Variants in CDK5RAP2 observed in about 807,000 individuals in gnomAD.
CDK5RAP2 encodes the protein CDK5 regulatory subunit associated protein 2.
Under a neutral mutation model 232.9 loss-of-function variants are expected in CDK5RAP2, and 147 were observed. The ratio of observed to expected loss-of-function variants is 0.63; its 90% CI spans 0.55 to 0.72. The LOEUF is 0.72. Ranked by LOEUF, CDK5RAP2 falls within the 30% of genes least tolerant of loss-of-function variation. The pLI is 0.00. For missense variants in CDK5RAP2, 2,195 were observed against 2,231.5 expected, an observed-to-expected ratio of 0.98 and a Z score of 0.33; for synonymous variants, 833 against 833.7, an observed-to-expected ratio of 1.00 and a Z score of 0.01.
chr9:120,443,723 T>C lies in CDK5RAP2; in HGVS notation c.3045A>G (p.Ala1015=). Residue 1015 remains alanine, a synonymous_variant, in exon 23 of 38, where the codon GCA becomes GCG. Coordinates refer to ENST00000349780, the MANE Select transcript of CDK5RAP2 (RefSeq NM_018249.6). The stretch of plus-strand genomic sequence containing the variant: ...GCTCTCCTGGGCTGTCCTGGTAGGC[T>C]GCTCCCACAGGGGGCTGAGCTACAG... ...TLLNAQPPVG[A]AYQDSPGEQK... The C allele has an allele frequency of 1.2e-6, 2 of 1,614,042 alleles. No individual in the cohort carries two copies. The highest frequency in any genetic ancestry group is 1.7e-6 in the Non-Finnish European group (2 of 1,180,004).
At chr9:120,409,411 T>C in intron 29 of CDK5RAP2, 95 bp from the exon 30 acceptor site, 1 of 920,094 alleles carries the variant, frequency 1.1e-6, no homozygotes, top group Non-Finnish European at 1.7e-6. Flanking sequence ...CAAAAAAGAA[T>C]GAGATTCGAT....
rs1255904880 is a variant in CDK5RAP2, at chr9:120,458,491, G to T, written c.2334C>A (p.Ala778=). Residue 778 remains alanine (A), a synonymous_variant, in exon 20 of 38, where the codon GCC becomes GCA. Coordinates refer to ENST00000349780, the MANE Select transcript of CDK5RAP2 (RefSeq NM_018249.6). ...LEEGAFINLL[A]PLFNEKATLL... is the part of the protein sequence containing the mutation. ...ATGTGGCCTTCTCATTGAACAAAGG[G>T]GCAAGCAGGTTTATGAATGCACCTT... 6.2e-7 allele frequency: 1 copy of T among 1,614,130 alleles called. No individual in the cohort carries two copies. Among genetic ancestry groups the T allele is most frequent in the Non-Finnish European group, 8.5e-7 (1 of 1,180,018 alleles).
rs3739823 is a variant in CDK5RAP2 at position 120,401,084 on chromosome 9, C to T, written c.5308-199G>A. On this transcript the variant is annotated intron_variant, in intron 34 of 37. Coordinates refer to ENST00000349780, the MANE Select transcript of CDK5RAP2 (RefSeq NM_018249.6). ...ATTATGAGAGAATTTCAGTGGTGAT[C>T]TTAGCCCAATCAATAACCATGATTA... 8.5e-4 allele frequency: 510 copies of T among 599,138 alleles called. 4 individuals are homozygous for T. In the East Asian group the frequency reaches 0.013, roughly 15 times the overall value. 37.1% of individuals were successfully genotyped at this position (599,138 alleles called of 1,614,324 possible). A position where few individuals can be genotyped will look rare whatever the true frequency, so the allele number is the denominator to read the frequency against.
intron 5 of CDK5RAP2, among the ~76,000 whole-genome samples, chr9:120,541,363 G>GT (rs1250079479): frequency 6.6e-6 from 1 of 152,144 alleles, no homozygotes; most frequent in Admixed American, 6.5e-5. Context: ...TATTCAGTTT[G>GT]TTTGAGTTTT....
intron 25 of CDK5RAP2, among the ~76,000 whole-genome samples, chr9:120,425,884 G>T (rs1201638879): frequency 6.6e-6 from 1 of 152,222 alleles, no homozygotes; most frequent in East Asian, 1.9e-4. Context: ...CACCTGAGTG[G>T]AAAGGGTGGA....
At chr9:120,578,565 T>C (rs1046876706) in intron 1 of CDK5RAP2, among the ~76,000 whole-genome samples, 1 of 77,904 alleles carries the variant, frequency 1.3e-5, no homozygotes, top group African/African-American at 4.1e-5. Context: ...TTATTTTCAC[T>C]TTCCTTTTTT....
At chr9:120,476,815 G>GA (rs1372439801) in intron 15 of CDK5RAP2, among the ~76,000 whole-genome samples, 1 of 152,108 alleles carries the variant, frequency 6.6e-6, no homozygotes, top group African/African-American at 2.4e-5. Flanking sequence ...GTCAGGGCTA[G>GA]AACAAGGCCT....
chr9:120,421,924 C>T (rs2034590585), intron 26 of CDK5RAP2, among the ~76,000 whole-genome samples: 1 of 152,258 alleles, frequency 6.6e-6, no homozygotes, highest in Non-Finnish European at 1.5e-5. Context: ...CCACAGCTTC[C>T]TCATCCTAAA....
At chr9:120,518,206 TGTGTGAGAGA>T (rs1200706033) in intron 12 of CDK5RAP2, among the ~76,000 whole-genome samples, 214 of 108,858 alleles carry the variant, frequency 2.0e-3, no homozygotes, top group East Asian at 9.8e-3. Context: ...TGTGTGTGTG[TGTGTGAGAGA>T]GAGAGAGAGA....
At chr9:120,457,227 C>G (rs1207583185) in intron 20 of CDK5RAP2, among the ~76,000 whole-genome samples, 1 of 152,184 alleles carries the variant, frequency 6.6e-6, no homozygotes, top group Admixed American at 6.5e-5. Context: ...ACCTTTCTGA[C>G]TCCCAACCAT....
At chr9:120,450,611 G>A (rs185842695) in intron 21 of CDK5RAP2, among the ~76,000 whole-genome samples, 367 of 152,252 alleles carry the variant, frequency 2.4e-3, no homozygotes, top group Non-Finnish European at 3.6e-3. Flanking sequence ...CAAGAAATGA[G>A]ATCACTGAGG....
chr9:120,439,339 C>A, intron 24 of CDK5RAP2, 60 bp downstream of exon 24: 6 of 1,370,710 alleles, frequency 4.4e-6, no homozygotes, highest in Non-Finnish European at 6.2e-6. Flanking sequence ...GGGCTCCCAC[C>A]TAGTGGCAAT....
intron 11 of CDK5RAP2, among the ~76,000 whole-genome samples, chr9:120,523,118 T>A (rs1255074697): frequency 6.6e-6 from 1 of 152,190 alleles, no homozygotes; most frequent in African/African-American, 2.4e-5. Flanking sequence ...TTACAACAGT[T>A]CCTGATCTCT....
intron 28 of CDK5RAP2, 68 bp downstream of exon 28, chr9:120,414,972 C>CTCAG: frequency 6.3e-7 from 1 of 1,582,752 alleles, no homozygotes; most frequent in South Asian, 1.1e-5. Flanking sequence ...CAGATGCTTA[C>CTCAG]TCAGGCAAAT....
At chr9:120,453,930 C>T in intron 20 of CDK5RAP2, 57 bp from the exon 21 acceptor site, 2 of 1,548,020 alleles carry the variant, frequency 1.3e-6, no homozygotes, top group Non-Finnish European at 1.8e-6. Context: ...AGGCCTTGTC[C>T]CCTAGCCAGT....
intron 14 of CDK5RAP2, 89 bp from the exon 15 acceptor site, chr9:120,477,539 G>T: frequency 1.9e-6 from 2 of 1,050,690 alleles, no homozygotes; most frequent in Non-Finnish European, 1.5e-6. Flanking sequence ...GCTAGTCCCA[G>T]TTTTTAAAAT....
intron 11 of CDK5RAP2, among the ~76,000 whole-genome samples, chr9:120,521,905 A>G (rs1389713778): frequency 6.6e-6 from 1 of 152,050 alleles, no homozygotes; most frequent in Non-Finnish European, 1.5e-5. Context: ...TCGGCCTCCC[A>G]AAGTGCTGGG....
chr9:120,525,328 G>C (rs370644689), intron 10 of CDK5RAP2, among the ~76,000 whole-genome samples: 5 of 152,202 alleles, frequency 3.3e-5, no homozygotes, highest in African/African-American at 1.2e-4. Flanking sequence ...CTATTGTGTT[G>C]TTAAGGTTAA....
At chr9:120,415,272 G>C in intron 27 of CDK5RAP2, 113 bp from the exon 28 acceptor site, 2 of 1,233,376 alleles carry the variant, frequency 1.6e-6, no homozygotes, top group South Asian at 2.5e-5. Context: ...TGTTAAGATG[G>C]TTAGCAACTG....
Sources: gnomAD v4.1 joint callset for allele counts (sites outside exome capture counted in the v4.1 genomes callset) on GRCh38, gnomAD v4.1.1 for gene constraint, MANE v1.5 for transcripts, NCBI Gene and HGNC (gene_info 2026-07-23, HGNC 2026-07-21) for gene names.